Variants in RBMS3 observed in about 807,000 individuals in gnomAD.
The protein encoded by RBMS3 is RNA binding motif single stranded interacting protein 3, also known as RNA-binding motif, single-stranded-interacting protein 3.
RBMS3 carries 27 observed loss-of-function variants against 66.8 expected under a neutral mutation model. The ratio of observed to expected loss-of-function variants is 0.40; its 90% CI spans 0.30 to 0.56. The LOEUF is 0.56. Ranked by LOEUF, RBMS3 falls within the 20% of genes least tolerant of loss-of-function variation. RBMS3 has a pLI of 0.40. For missense variants in RBMS3, 513 were observed against 549.5 expected (o/e 0.93, Z 0.66); for synonymous variants, 188 against 183.0 (o/e 1.03, Z -0.22).
intron 1 of RBMS3, among the ~76,000 whole-genome samples, chr3:29,377,100 A>G (rs76472812): frequency 0.021 from 3,120 of 152,072 alleles, 127 homozygotes; most frequent in African/African-American, 0.072. Context: ...AGAAAAAAAA[A>G]AAAGAAAAGC....
chr3:29,879,174 T>C (rs9874640), intron 7 of RBMS3, among the ~76,000 whole-genome samples: 51,734 of 152,072 alleles, frequency 0.34, 8,954 homozygotes, highest in Admixed American at 0.36. Context: ...GTCAGAGATA[T>C]TTAAAATATT....
chr3:29,587,306 GGAA>G (rs1309935120), intron 4 of RBMS3, 101 bp downstream of exon 4: 13 of 663,082 alleles, frequency 2.0e-5, no homozygotes, highest in Non-Finnish European at 2.9e-5. Flanking sequence ...TCAGGAGGAA[GGAA>G]GAAGGAGAGA....
chr3:29,571,199 T>C (rs967705420), intron 3 of RBMS3, among the ~76,000 whole-genome samples: 3 of 152,194 alleles, frequency 2.0e-5, no homozygotes, highest in Non-Finnish European at 4.4e-5. Context: ...TACAGTTGTT[T>C]GAGCTCTTTG....
intron 3 of RBMS3, among the ~76,000 whole-genome samples, chr3:29,562,909 A>G (rs1576235224): frequency 1.3e-5 from 2 of 152,316 alleles, no homozygotes; most frequent in East Asian, 3.9e-4. Context: ...ACATTTCTAG[A>G]TAGTTTTGTG....
At chr3:29,714,844 C>T (rs1029750064) in intron 4 of RBMS3, among the ~76,000 whole-genome samples, 13 of 152,014 alleles carry the variant, frequency 8.6e-5, no homozygotes, top group African/African-American at 2.9e-4. Flanking sequence ...GAAACTTGGC[C>T]TGTAATGAAT....
At chr3:29,896,206 A>G (rs2060120744) in intron 8 of RBMS3, among the ~76,000 whole-genome samples, 3 of 151,418 alleles carry the variant, frequency 2.0e-5, no homozygotes, top group Admixed American at 2.0e-4. Flanking sequence ...TATTCCTTGA[A>G]TCCTGACAAC....
intron 1 of RBMS3, among the ~76,000 whole-genome samples, chr3:29,283,371 TTC>T (rs1433129138): frequency 6.6e-6 from 1 of 152,178 alleles, no homozygotes; most frequent in Non-Finnish European, 1.5e-5. Flanking sequence ...TGTTTGAGAC[TTC>T]TTTTAACCTA....
At chr3:29,692,362 TAA>T (rs1291271594) in intron 4 of RBMS3, among the ~76,000 whole-genome samples, 1 of 152,090 alleles carries the variant, frequency 6.6e-6, no homozygotes, top group African/African-American at 2.4e-5. Flanking sequence ...TGCTAAGACT[TAA>T]AGAGGTATAA....
intron 4 of RBMS3, among the ~76,000 whole-genome samples, chr3:29,591,469 T>C (rs1390078262): frequency 6.6e-6 from 1 of 152,168 alleles, no homozygotes. Flanking sequence ...CAAATACATA[T>C]CAAATCCTGC....
intron 1 of RBMS3, among the ~76,000 whole-genome samples, chr3:29,385,779 C>T (rs910872680): frequency 6.6e-6 from 1 of 152,182 alleles, no homozygotes; most frequent in African/African-American, 2.4e-5. Context: ...CCTAGACTCT[C>T]TCATTACCAA....
At chr3:29,908,061 C>A (rs1429034210) in intron 10 of RBMS3, among the ~76,000 whole-genome samples, 1 of 151,800 alleles carries the variant, frequency 6.6e-6, no homozygotes, top group East Asian at 1.9e-4. Context: ...CAGCCTGGGG[C>A]AACATGGCAA....
chr3:29,320,315 T>C (rs898833575), intron 1 of RBMS3, among the ~76,000 whole-genome samples: 2 of 152,056 alleles, frequency 1.3e-5, no homozygotes, highest in Admixed American at 6.6e-5. Flanking sequence ...CCTGTTTTTA[T>C]TGTAACTCTT....
chr3:29,619,269 T>TAA (rs71628528), intron 4 of RBMS3, among the ~76,000 whole-genome samples: 4,341 of 133,632 alleles, frequency 0.032, 181 homozygotes, highest in African/African-American at 0.1. Flanking sequence ...GTATTTTATG[T>TAA]AAAAAAAAAA....
intron 7 of RBMS3, among the ~76,000 whole-genome samples, chr3:29,883,452 C>T (rs1408034595): frequency 6.6e-6 from 1 of 152,058 alleles, no homozygotes; most frequent in African/African-American, 2.4e-5. Flanking sequence ...CATGAAGGAA[C>T]AAGGTAGACT....
intron 2 of RBMS3, among the ~76,000 whole-genome samples, chr3:29,439,385 A>G (rs991796758): frequency 6.6e-6 from 1 of 152,186 alleles, no homozygotes; most frequent in Non-Finnish European, 1.5e-5. Context: ...AAAAGCTGAA[A>G]GAAGAATGCT....
At chr3:29,357,436 T>G (rs2037292534) in intron 1 of RBMS3, among the ~76,000 whole-genome samples, 1 of 152,220 alleles carries the variant, frequency 6.6e-6, no homozygotes, top group Non-Finnish European at 1.5e-5. Context: ...ATTTTCTTAA[T>G]CCAGTCTATC....
intron 14 of RBMS3, among the ~76,000 whole-genome samples, chr3:29,996,697 A>G (rs146518363): frequency 0.049 from 7,447 of 152,236 alleles, 483 homozygotes; most frequent in African/African-American, 0.15. Flanking sequence ...GAAGGCAGAA[A>G]TAAAGATGTT....
At chr3:29,742,052 C>T (rs913525921) in intron 5 of RBMS3, among the ~76,000 whole-genome samples, 9 of 152,114 alleles carry the variant, frequency 5.9e-5, no homozygotes, top group African/African-American at 2.2e-4. Context: ...GTTCATAACA[C>T]AAAGATTGAA....
chr3:29,989,124 G>A lies in RBMS3; in HGVS notation c.1179+901G>A, dbSNP rs147613420. Among the ~76,000 whole-genome samples, 9 of 152,268 alleles carry A rather than the reference G, an allele frequency of 5.9e-5. No individual in the cohort carries two copies. In the East Asian group the frequency reaches 1.5e-3, roughly 26 times the overall value. ...CTGCACAGGTTTACAGCTTCTTACA[G>A]ACAAGAAAGAAGTTGTACAACTCTT... On this transcript the variant is annotated intron_variant, in intron 13 of 14. Coordinates refer to ENST00000383767, the MANE Select transcript of RBMS3 (RefSeq NM_001003793.3).
Sources: allele counts gnomAD v4.1 joint callset (sites outside exome capture counted in the v4.1 genomes callset), GRCh38; gene constraint gnomAD v4.1.1; transcripts MANE v1.5; gene names NCBI Gene and HGNC (gene_info 2026-07-23, HGNC 2026-07-21).